Variants in DPP4 observed in about 807,000 individuals in gnomAD.
DPP4 encodes the protein ADCP-2.
Under a neutral mutation model 122.4 loss-of-function variants are expected in DPP4, and 93 were observed. That is an observed-to-expected ratio of 0.76 (90% CI 0.64 to 0.90). The LOEUF is 0.90. DPP4 is among the 40% of genes least tolerant of loss of function. The pLI is 0.00. For missense variants in DPP4, 914 were observed against 907.3 expected (o/e 1.01, Z -0.09); for synonymous variants, 321 against 302.9 (o/e 1.06, Z -0.62).
intron 5 of DPP4, among the ~76,000 whole-genome samples, chr2:162,041,811 G>A (rs533525296): frequency 6.6e-6 from 1 of 152,148 alleles, no homozygotes; most frequent in Non-Finnish European, 1.5e-5. Context: ...TATAAACACT[G>A]GCAGCTATCA....
At chr2:161,999,976 T>A (rs1390702689) in intron 23 of DPP4, among the ~76,000 whole-genome samples, 1 of 152,210 alleles carries the variant, frequency 6.6e-6, no homozygotes, top group Non-Finnish European at 1.5e-5. Flanking sequence ...AAACTCATAC[T>A]GCTGGTAAGT....
chr2:162,022,529 C>T (rs1016444686), intron 12 of DPP4, among the ~76,000 whole-genome samples: 3 of 152,202 alleles, frequency 2.0e-5, no homozygotes, highest in Non-Finnish European at 4.4e-5. Context: ...GTTTTGTCTG[C>T]TCTGCTTTTG....
At chr2:162,068,705 A>G (rs1685025386) in intron 2 of DPP4, among the ~76,000 whole-genome samples, 1 of 152,172 alleles carries the variant, frequency 6.6e-6, no homozygotes, top group African/African-American at 2.4e-5. Context: ...AGTGCAAGTA[A>G]GTAAATCTGG....
intron 5 of DPP4, among the ~76,000 whole-genome samples, chr2:162,040,050 T>C (rs545357513): frequency 1.2e-4 from 19 of 152,050 alleles, no homozygotes; most frequent in Middle Eastern, 6.8e-3. Context: ...ATTTTAAAAA[T>C]TAGAGAAAAG....
At chr2:162,033,425 T>A (rs1340482590) in intron 10 of DPP4, 116 bp downstream of exon 10, 3 of 658,674 alleles carry the variant, frequency 4.6e-6, no homozygotes, top group Non-Finnish European at 7.7e-6. Context: ...TGAATGACTG[T>A]CAGCGGGGAT....
chr2:162,016,762 A>G lies in DPP4; in HGVS notation c.1567+6T>C. On this transcript the variant is annotated splice_donor_region_variant and intron_variant, in intron 18 of 25. Coordinates refer to ENST00000360534, the MANE Select transcript of DPP4 (RefSeq NM_001935.4). ...AAAAGTACTATTCCAAAGGAATTTAACTTACTTGTTTCATTCAAAATAATG... is the reference window on the plus strand; with the variant it reads ...AAAAGTACTATTCCAAAGGAATTTAGCTTACTTGTTTCATTCAAAATAATG... 6.2e-7 allele frequency: 1 copy of G among 1,604,464 alleles called. No individual in the cohort carries two copies.
At chr2:162,006,465 C>T (rs1227618907) in intron 22 of DPP4, among the ~76,000 whole-genome samples, 1 of 152,140 alleles carries the variant, frequency 6.6e-6, no homozygotes, top group Non-Finnish European at 1.5e-5. Flanking sequence ...GGCTCAGCTA[C>T]TCCATCATGA....
At chr2:162,009,119 G>A in intron 21 of DPP4, 122 bp downstream of exon 21, 1 of 1,000,186 alleles carries the variant, frequency 1.0e-6, no homozygotes, top group Non-Finnish European at 1.6e-6. Context: ...TTACTGCCCA[G>A]AGACCTAAGA....
rs1482404909 is a variant in DPP4, at chr2:161,992,457, T to C, written c.*826A>G. 6.6e-6 allele frequency: 1 copy of C among 152,660 alleles called. No homozygotes were observed. The highest frequency in any genetic ancestry group is 2.4e-5 in the African/African-American group (1 of 41,460). The allele number at this position is 152,660 out of a possible 1,614,324, so 9.5% of individuals were successfully genotyped here. A position where few individuals can be genotyped will look rare whatever the true frequency, so the allele number is the denominator to read the frequency against. On this transcript the variant is annotated 3_prime_UTR_variant, in exon 26 of 26. Coordinates refer to ENST00000360534, the MANE Select transcript of DPP4 (RefSeq NM_001935.4). ...TTCAAGTTAAGATTTGTGATACAAA[T>C]ATTTTCATCTTTTAACAGGGCAAGC...
At chr2:162,057,226 T>C (rs1187351727) in intron 2 of DPP4, among the ~76,000 whole-genome samples, 2 of 152,240 alleles carry the variant, frequency 1.3e-5, no homozygotes, top group African/African-American at 4.8e-5. Flanking sequence ...ATTGGTTTTA[T>C]CTGTGCAGTG....
intron 2 of DPP4, among the ~76,000 whole-genome samples, chr2:162,068,617 T>C (rs2106160691): frequency 6.6e-6 from 1 of 152,336 alleles, no homozygotes; most frequent in Non-Finnish European, 1.5e-5. Flanking sequence ...AAAAGGCAAC[T>C]CAGCTTCCTG....
At chr2:162,016,901 CA>C (rs1559710047) in intron 17 of DPP4, 35 bp from the exon 18 acceptor site, 1 of 1,578,238 alleles carries the variant, frequency 6.3e-7, no homozygotes, top group South Asian at 1.2e-5. Flanking sequence ...TCATTCATTA[CA>C]ATGTGAAAAA....
rs142332945 is a variant in DPP4, at chr2:162,060,254, G to C, written c.95-12753C>G. ...GCAACTATTTTAAATAAGCAGGTTGGTAGTATCCTTAGGACTTGGGTCAGT... is the reference window on the plus strand; with the variant it reads ...GCAACTATTTTAAATAAGCAGGTTGCTAGTATCCTTAGGACTTGGGTCAGT... On this transcript the variant is annotated intron_variant, in intron 2 of 25. Coordinates refer to ENST00000360534, the MANE Select transcript of DPP4 (RefSeq NM_001935.4). 2.6e-3 allele frequency among the ~76,000 whole-genome samples: 397 copies of C among 152,290 alleles called. 1 individual carries two copies. Among genetic ancestry groups the C allele is most frequent in the African/African-American group, 9.1e-3 (377 of 41,560 alleles).
At chr2:162,058,351 T>C (rs775143903) in intron 2 of DPP4, among the ~76,000 whole-genome samples, 11 of 152,224 alleles carry the variant, frequency 7.2e-5, no homozygotes, top group Admixed American at 2.0e-4. Context: ...TCATGGAATG[T>C]TAAAGAAATC....
chr2:162,010,071 G>C (rs544967037), intron 20 of DPP4, among the ~76,000 whole-genome samples: 41 of 152,218 alleles, frequency 2.7e-4, no homozygotes, highest in African/African-American at 9.6e-4. Context: ...GATTTTGACA[G>C]TCTTTGTGTT....
chr2:162,018,828 T>A lies in DPP4; in HGVS notation c.1321A>T (p.Lys441Ter). ...AGCTCACAACTGAGGCATGTCACTT[T>A]TGTATAGTCACTAAGTTGGATTCTG... Reference protein sequence around the residue: ...LYKIQLSDYTKVTCLSCELNP... With the variant: ...LYKIQLSDYT The change falls in exon 16 of 26, where the codon AAA becomes TAA. Residue 441 changes from lysine to a stop codon, truncating the protein, a stop_gained. Coordinates refer to ENST00000360534, the MANE Select transcript of DPP4 (RefSeq NM_001935.4). LOFTEE classifies it high-confidence loss of function. 1 of 1,614,180 alleles carries A rather than the reference T, an allele frequency of 6.2e-7. No individual in the cohort carries two copies. Among genetic ancestry groups the A allele is most frequent in the Non-Finnish European group, 8.5e-7 (1 of 1,180,034 alleles).
intron 11 of DPP4, among the ~76,000 whole-genome samples, chr2:162,023,986 C>T (rs1427390273): frequency 6.6e-6 from 1 of 152,144 alleles, no homozygotes; most frequent in African/African-American, 2.4e-5. Flanking sequence ...AACAGGAATT[C>T]CATGTTTGTT....
chr2:162,014,017 G>A (rs1283803426), intron 19 of DPP4, among the ~76,000 whole-genome samples: 2 of 151,952 alleles, frequency 1.3e-5, no homozygotes, highest in Non-Finnish European at 2.9e-5. Context: ...AGAGAAACAT[G>A]AGGCAGCCAG....
At chr2:162,012,799 C>CTTATAACTTAT in intron 19 of DPP4, among the ~76,000 whole-genome samples, 1 of 152,146 alleles carries the variant, frequency 6.6e-6, no homozygotes, top group African/African-American at 2.4e-5. Context: ...CATGGATACT[C>CTTATAACTTAT]TCCAATAACT....
Sources: gnomAD v4.1 joint callset for allele counts (sites outside exome capture counted in the v4.1 genomes callset) on GRCh38, gnomAD v4.1.1 for gene constraint, MANE v1.5 for transcripts, NCBI Gene and HGNC (gene_info 2026-07-23, HGNC 2026-07-21) for gene names.